TMEM181: variants seen among roughly 807,000 people sequenced by gnomAD.
The protein encoded by TMEM181 is G protein-coupled receptor 178.
In TMEM181, 39 loss-of-function variants were observed where a neutral mutation model predicts 71.9. The ratio of observed to expected loss-of-function variants is 0.54; its 90% CI spans 0.42 to 0.71. The LOEUF is 0.71. Ranked by LOEUF, TMEM181 falls within the 30% of genes least tolerant of loss-of-function variation. The pLI, the probability that TMEM181 is intolerant of heterozygous loss-of-function variation, is 0.00. For synonymous variants in TMEM181, 245 were observed against 228.8 expected, an observed-to-expected ratio of 1.07 and a Z score of -0.64; for missense variants, 595 against 583.0, an observed-to-expected ratio of 1.02 and a Z score of -0.21.
At chr6:158,544,480 G>A (rs571191566) in intron 1 of TMEM181, among the ~76,000 whole-genome samples, 1 of 152,190 alleles carries the variant, frequency 6.6e-6, no homozygotes, top group Non-Finnish European at 1.5e-5. Flanking sequence ...GGGGTAGTGT[G>A]TGTGTGCTGG....
chr6:158,617,013 G>A (rs1444662372), intron 10 of TMEM181, among the ~76,000 whole-genome samples: 3 of 152,126 alleles, frequency 2.0e-5, no homozygotes, highest in Non-Finnish European at 2.9e-5. Flanking sequence ...GAGTTAGGGA[G>A]GATTCCTTCT....
intron 1 of TMEM181, among the ~76,000 whole-genome samples, chr6:158,543,742 T>C (rs1398455634): frequency 2.2e-4 from 34 of 152,226 alleles, no homozygotes; most frequent in Non-Finnish European, 1.6e-4. Flanking sequence ...CATTTTAGCT[T>C]GCTCGTCTGC....
chr6:158,631,008 G>A (rs139984830), intron 15 of TMEM181, among the ~76,000 whole-genome samples: 1 of 152,226 alleles, frequency 6.6e-6, no homozygotes, highest in Non-Finnish European at 1.5e-5. Context: ...ACCTCTCCTG[G>A]GGCCTATGTT....
In TMEM181 at chr6:158,635,073, G is replaced by GA. The variant is rs1786879953; in HGVS notation, c.*3185_*3186insA. ...GATCTTTTCCCCTGGCCAAAGGGAA[G>GA]TTGTATTAGTCTGTGACATCTTGTG... is the stretch of plus-strand genomic sequence containing the variant. On this transcript the variant is annotated 3_prime_UTR_variant, in exon 17 of 17. Transcript: ENST00000684151. The GA allele has an allele frequency of 6.6e-6, 1 of 151,244 alleles. No homozygotes were observed. The highest frequency in any genetic ancestry group is 1.5e-5 in the Non-Finnish European group (1 of 67,900). The allele number at this position is 151,244 out of a possible 1,614,324, so 9.4% of individuals were successfully genotyped here.
intron 15 of TMEM181, 38 bp from the exon 16 acceptor site, chr6:158,631,285 C>G (rs766539507): frequency 6.2e-7 from 1 of 1,610,398 alleles, no homozygotes; most frequent in African/African-American, 1.3e-5. Flanking sequence ...CTCATCACGT[C>G]AATTGCTTGA....
intron 1 of TMEM181, among the ~76,000 whole-genome samples, chr6:158,539,113 ACTTCCTTAGTTGAG>A (rs1781244589): frequency 6.6e-6 from 1 of 152,210 alleles, no homozygotes; most frequent in African/African-American, 2.4e-5. Context: ...TCCAGGAGCC[ACTTCCTTAGTTGAG>A]TTGGAGCTTG....
At chr6:158,576,962 T>C (rs1371898841) in intron 2 of TMEM181, among the ~76,000 whole-genome samples, 2 of 149,430 alleles carry the variant, frequency 1.3e-5, no homozygotes, top group Non-Finnish European at 2.9e-5. Flanking sequence ...CTTGGGAGGC[T>C]GAGGCAGGAG....
At position 158,590,246 on chromosome 6, in the gene TMEM181, C is replaced by T. The variant is rs180861375; in HGVS notation, c.492+464C>T. ...ATGAGGAGTGGGGGTTTAGACTGGA[C>T]GGTGAGCTGGGTTCTCACGCTGCCT... On this transcript the variant is annotated intron_variant, in intron 6 of 16. Coordinates refer to ENST00000684151, the MANE Select transcript of TMEM181 (RefSeq NM_001376852.1). Among the ~76,000 whole-genome samples, 684 of 152,160 alleles carry T rather than the reference C, an allele frequency of 4.5e-3. 3 individuals are homozygous for T. Among genetic ancestry groups the T allele is most frequent in the Non-Finnish European group, 7.1e-3 (483 of 68,018 alleles).
intron 2 of TMEM181, among the ~76,000 whole-genome samples, chr6:158,579,189 G>A (rs945928167): frequency 1.3e-5 from 2 of 151,644 alleles, no homozygotes; most frequent in Non-Finnish European, 2.9e-5. Flanking sequence ...AACCCAGGAG[G>A]CGGAGGTTGC....
upstream of TMEM181, among the ~76,000 whole-genome samples, chr6:158,557,886 A>G (rs1781962118): frequency 6.6e-6 from 1 of 152,258 alleles, no homozygotes. Flanking sequence ...TCATCTGTCT[A>G]TTCGTGTTGT....
chr6:158,613,918 G>A (rs1785468020), intron 10 of TMEM181, among the ~76,000 whole-genome samples: 1 of 152,184 alleles, frequency 6.6e-6, no homozygotes, highest in South Asian at 2.1e-4. Context: ...GATTGGCAGT[G>A]TCCTGTTCGG....
At chr6:158,577,942 T>C (rs1351828216) in intron 2 of TMEM181, among the ~76,000 whole-genome samples, 1 of 151,990 alleles carries the variant, frequency 6.6e-6, no homozygotes, top group Non-Finnish European at 1.5e-5. Context: ...AATACAAAAT[T>C]AGCCAGGCGT....
chr6:158,583,066 C>G (rs373742068), intron 3 of TMEM181, among the ~76,000 whole-genome samples: 18 of 151,882 alleles, frequency 1.2e-4, no homozygotes, highest in African/African-American at 4.1e-4. Flanking sequence ...AACTCCATCT[C>G]TACTAGAAAT....
intron 10 of TMEM181, among the ~76,000 whole-genome samples, chr6:158,613,238 A>G (rs189218083): frequency 6.6e-6 from 1 of 152,356 alleles, no homozygotes; most frequent in East Asian, 1.9e-4. Context: ...GGTGTGCTAT[A>G]GTTTTTGAAA....
At chr6:158,604,225 T>G (rs1784820068) in intron 6 of TMEM181, among the ~76,000 whole-genome samples, 1 of 152,202 alleles carries the variant, frequency 6.6e-6, no homozygotes, top group Non-Finnish European at 1.5e-5. Flanking sequence ...CCCTCCATGA[T>G]GTGGGGCCAC....
At chr6:158,571,702 C>G (rs1156313279) in intron 1 of TMEM181, among the ~76,000 whole-genome samples, 3 of 152,228 alleles carry the variant, frequency 2.0e-5, no homozygotes, top group Non-Finnish European at 1.5e-5. Context: ...TCTTCCTGGG[C>G]CAGCCTTCAC....
chr6:158,585,811 G>A (rs893530163), intron 5 of TMEM181, among the ~76,000 whole-genome samples: 1 of 152,074 alleles, frequency 6.6e-6, no homozygotes, highest in Admixed American at 6.5e-5. Context: ...CACAGGCTGT[G>A]GTCACTGGGT....
At chr6:158,558,599 A>C (rs1378180156), upstream of TMEM181, among the ~76,000 whole-genome samples, 1 of 152,206 alleles carries the variant, frequency 6.6e-6, no homozygotes, top group Non-Finnish European at 1.5e-5. Flanking sequence ...CAATGACAGA[A>C]GCTCACTGGC....
intron 10 of TMEM181, among the ~76,000 whole-genome samples, chr6:158,618,448 T>C (rs1380421068): frequency 6.6e-6 from 1 of 152,246 alleles, no homozygotes; most frequent in Non-Finnish European, 1.5e-5. Flanking sequence ...CTTTATCCAA[T>C]TTGCCAGTCT....
Sources: allele counts gnomAD v4.1 joint callset (sites outside exome capture counted in the v4.1 genomes callset), GRCh38; gene constraint gnomAD v4.1.1; transcripts MANE v1.5; gene names NCBI Gene and HGNC (gene_info 2026-07-23, HGNC 2026-07-21).